The following IKBKE variants were observed in gnomAD, a reference collection of about 807,000 sequenced individuals.
IKBKE encodes the protein inhibitor of nuclear factor kappa B kinase subunit epsilon, also known as inhibitor of nuclear factor kappa-B kinase subunit epsilon.
A neutral mutation model predicts 92.1 loss-of-function variants in IKBKE; 45 were observed. That is an observed-to-expected ratio of 0.49 (90% confidence interval 0.38 to 0.63). IKBKE has a LOEUF of 0.63. IKBKE is among the 20% of genes least tolerant of loss of function. IKBKE has a pLI of 0.00. For synonymous variants in IKBKE, 374 were observed against 380.3 expected (o/e 0.98, Z 0.19); for missense variants, 700 against 932.8 (o/e 0.75, Z 3.25).
In IKBKE at chr1:206,485,406, C is replaced by T. The variant is rs187997650; in HGVS notation, c.1616+100C>T. 1,920 of 727,292 alleles carry T rather than the reference C, an allele frequency of 2.6e-3. 8 individuals are homozygous for T. The highest frequency in any genetic ancestry group is 4.4e-3 in the South Asian group (278 of 63,402). 45.1% of individuals were successfully genotyped at this position (727,292 alleles called of 1,614,324 possible). A position where few individuals can be genotyped will look rare whatever the true frequency, so the allele number is the denominator to read the frequency against. ...CTTTTAGACGTCAGCTTGCATTCCC[C>T]TTTCTCTTGGCAAGGGTGCTAGGGC... On this transcript the variant is annotated intron_variant, in intron 15 of 21. Transcript: ENST00000581977. The surrounding 1 kb of genome is among the most constrained non-coding windows in gnomAD (Gnocchi z 5.0).
chr1:206,487,865 C>A lies in IKBKE; in HGVS notation c.1617-49C>A, dbSNP rs2103476921. Reference sequence around the variant, plus strand: ...CCCTTCCCCTCCCTCCCTCTTTCCTCTGTGCTATTAGATTCTTCCAACACC... The same window carrying A: ...CCCTTCCCCTCCCTCCCTCTTTCCTATGTGCTATTAGATTCTTCCAACACC... On this transcript the variant is annotated intron_variant, in intron 15 of 21. Transcript: ENST00000581977. The surrounding 1 kb of genome is among the most constrained non-coding windows in gnomAD (Gnocchi z 5.3). 3.4e-6 allele frequency: 5 copies of A among 1,478,668 alleles called. No individual in the cohort carries two copies. Among genetic ancestry groups the A allele is most frequent in the South Asian group, 1.2e-5 (1 of 86,378 alleles). 91.6% of individuals were successfully genotyped at this position (1,478,668 alleles called of 1,614,324 possible).
In IKBKE at chr1:206,478,131, C is replaced by A; in HGVS notation, c.813-29C>A. ...GGAGGATAGGTCTGGGCCCCCACCC[C>A]TGACAGTCTCCATGTCCTGGGAGGG... On this transcript the variant is annotated intron_variant, in intron 8 of 21. Coordinates refer to ENST00000581977, the MANE Select transcript of IKBKE (RefSeq NM_014002.4). The surrounding 1 kb of genome is among the most constrained non-coding windows in gnomAD (Gnocchi z 4.8). 1.2e-6 allele frequency: 2 copies of A among 1,607,488 alleles called. No individual in the cohort carries two copies. The highest frequency in any genetic ancestry group is 1.7e-6 in the Non-Finnish European group (2 of 1,176,954).
In IKBKE at chr1:206,480,025, G is replaced by A. The variant is rs145736762; in HGVS notation, c.1252G>A (p.Val418Met). Reference sequence around the variant, plus strand: ...CCTGTGCATCTCTGTGTTTCAGGGCGTGTTGGGCGCCGGCTACCAGGCCCT... The same window carrying A: ...CCTGTGCATCTCTGTGTTTCAGGGCATGTTGGGCGCCGGCTACCAGGCCCT... ...LQADYNTAKG[V>M]LGAGYQALRL... The change falls in exon 12 of 22, where the codon GTG becomes ATG. Residue 418 changes from valine (V) to methionine (M), a missense_variant. Val to Met is a conservative substitution (Grantham distance 21). Coordinates refer to ENST00000581977, the MANE Select transcript of IKBKE (RefSeq NM_014002.4). 422 of 1,609,508 alleles carry A rather than the reference G, an allele frequency of 2.6e-4. No individual in the cohort carries two copies. Among genetic ancestry groups the A allele is most frequent in the East Asian group, 3.6e-4 (16 of 44,750 alleles).
intron 15 of IKBKE, among the ~76,000 whole-genome samples, chr1:206,486,545 G>A (rs1665672213): frequency 6.6e-6 from 1 of 151,702 alleles, no homozygotes; most frequent in Non-Finnish European, 1.5e-5. Flanking sequence ...TTGGATGAAG[G>A]CTGCAGATCT....
Position 206,485,211 on chromosome 1 carries a change from C to T in IKBKE, c.1521C>T (p.Ser507=), listed in dbSNP as rs1553388293. The change falls in exon 15 of 22, where the codon TCC becomes TCT. Residue 507 remains serine, a synonymous_variant. Coordinates refer to ENST00000581977, the MANE Select transcript of IKBKE (RefSeq NM_014002.4). The surrounding 1 kb of genome is among the most constrained non-coding windows in gnomAD (Gnocchi z 5.0). The part of the protein sequence containing the change: ...SRLRTLAEVL[S]RCSQNITETQ... ...CCCCACAGCTAGCGGAGGTCCTCTC[C>T]AGATGCTCCCAAAATATCACGGAGA... 1 of 1,613,616 alleles carries T rather than the reference C, an allele frequency of 6.2e-7. No homozygotes were observed. The highest frequency in any genetic ancestry group is 8.5e-7 in the Non-Finnish European group (1 of 1,179,536).
intron 21 of IKBKE, 50 bp from the exon 22 acceptor site, chr1:206,496,062 G>A (rs961816550): frequency 2.4e-5 from 36 of 1,495,258 alleles, no homozygotes; most frequent in Non-Finnish European, 3.4e-5. Context: ...AGTGTGGTCT[G>A]CAGGCCTCTC....
At chr1:206,477,509 C>CAG (rs5780344) in intron 7 of IKBKE, among the ~76,000 whole-genome samples, 2 of 152,022 alleles carry the variant, frequency 1.3e-5, no homozygotes, top group Non-Finnish European at 1.5e-5. Context: ...GGAAGTGTAG[C>CAG]GGGGGGAGAG....
Position 206,493,015 on chromosome 1 carries a change from C to A in IKBKE, c.1836-8C>A. 2 of 1,560,754 alleles carry A rather than the reference C, an allele frequency of 1.3e-6. No individual in the cohort carries two copies. Among genetic ancestry groups the A allele is most frequent in the South Asian group, 2.4e-5 (2 of 85,004 alleles). ...CTCTAATTCTAAGTCTCTGTGTGTT[C>A]TCTTGAGGGTGGTGCACGAGACCAG... is the stretch of plus-strand genomic sequence containing the variant. On this transcript the variant is annotated splice_polypyrimidine_tract_variant and splice_region_variant and intron_variant, in intron 18 of 21. Coordinates refer to ENST00000581977, the MANE Select transcript of IKBKE (RefSeq NM_014002.4).
intron 13 of IKBKE, among the ~76,000 whole-genome samples, chr1:206,484,093 A>G (rs200462084): frequency 1.7e-4 from 17 of 97,728 alleles, no homozygotes; most frequent in African/African-American, 5.0e-4. Flanking sequence ...CCTGGCTTTT[A>G]TTTTGTATTG....
chr1:206,491,461 T>A (rs1553390323), intron 17 of IKBKE, 187 bp from the exon 18 acceptor site: 1 of 511,970 alleles, frequency 2.0e-6, no homozygotes, highest in Non-Finnish European at 3.6e-6. Context: ...TGCTGGCCAC[T>A]GCAACCTTCA....
At chr1:206,489,817 T>C (rs1317677703) in intron 16 of IKBKE, among the ~76,000 whole-genome samples, 2 of 152,340 alleles carry the variant, frequency 1.3e-5, no homozygotes, top group East Asian at 3.9e-4. Context: ...TAGGTCCAGC[T>C]GCTTTTAACT....
intron 15 of IKBKE, among the ~76,000 whole-genome samples, chr1:206,486,085 A>G (rs781848195): frequency 6.6e-6 from 1 of 152,256 alleles, no homozygotes; most frequent in Non-Finnish European, 1.5e-5. Flanking sequence ...TGTTTTGGCC[A>G]TAAAACCTGA....
intron 18 of IKBKE, chr1:206,491,988 T>C (rs781927068): frequency 2.5e-6 from 1 of 402,116 alleles, no homozygotes; most frequent in Non-Finnish European, 4.7e-6. Flanking sequence ...CCCTATTTCC[T>C]AGGTGAGGAA....
At position 206,478,809 on chromosome 1, in the gene IKBKE, C is replaced by T; in HGVS notation, c.993-134C>T. 1 of 728,994 alleles carries T rather than the reference C, an allele frequency of 1.4e-6. No homozygotes were observed. The highest frequency in any genetic ancestry group is 2.5e-5 in the East Asian group (1 of 40,662). 45.2% of individuals were successfully genotyped at this position (728,994 alleles called of 1,614,324 possible). Reference sequence around the variant, plus strand: ...TCTCCACCCTTGATGACAGAGAAAACCACCCCCGTCCCTCCCTCTGCAAAA... The same window carrying T: ...TCTCCACCCTTGATGACAGAGAAAATCACCCCCGTCCCTCCCTCTGCAAAA... On this transcript the variant is annotated intron_variant, in intron 9 of 21. Coordinates refer to ENST00000581977, the MANE Select transcript of IKBKE (RefSeq NM_014002.4). This position sits in a 1 kb window ranked among gnomAD's most constrained non-coding sequence, Gnocchi z 4.8.
chr1:206,491,192 C>A, intron 17 of IKBKE: 3 of 431,904 alleles, frequency 6.9e-6, no homozygotes, highest in South Asian at 2.6e-5. Flanking sequence ...TGCCTCCCCC[C>A]GCTCCTCTGT....
In IKBKE at chr1:206,478,935, G is replaced by A; in HGVS notation, c.993-8G>A. On this transcript the variant is annotated splice_polypyrimidine_tract_variant and splice_region_variant and intron_variant, in intron 9 of 21. Coordinates refer to ENST00000581977, the MANE Select transcript of IKBKE (RefSeq NM_014002.4). This position sits in a 1 kb window ranked among gnomAD's most constrained non-coding sequence, Gnocchi z 4.8. ...CTGCCCTCTGCTCCCCACCACGGCT[G>A]TGTCTAGGATAGCCATTTTCCAGGA... The A allele has an allele frequency of 1.2e-6, 2 of 1,613,846 alleles. No individual in the cohort carries two copies. Among genetic ancestry groups the A allele is most frequent in the Non-Finnish European group, 1.7e-6 (2 of 1,179,872 alleles).
rs1665057636 is a variant in IKBKE, at chr1:206,476,264, G to C, written c.442G>C (p.Glu148Gln). ...GAACATCATGCGCCTCGTAGGGGAG[G>C]AGGGGCAGAGCATCTACAAGCTGAC... ...PGNIMRLVGE[E>Q]GQSIYKLTDF... Residue 148 changes from glutamate (E) to glutamine (Q), a missense_variant, in exon 6 of 22, where the codon GAG becomes CAG. Coordinates refer to ENST00000581977, the MANE Select transcript of IKBKE (RefSeq NM_014002.4). The surrounding 1 kb of genome is among the most constrained non-coding windows in gnomAD (Gnocchi z 5.1). The C allele has an allele frequency of 6.2e-7, 1 of 1,614,008 alleles. No individual in the cohort carries two copies. The highest frequency in any genetic ancestry group is 8.5e-7 in the Non-Finnish European group (1 of 1,180,000).
At chr1:206,472,712 G>A (rs991372055) in intron 2 of IKBKE, 26 of 198,176 alleles carry the variant, frequency 1.3e-4, no homozygotes, top group African/African-American at 5.3e-4. Context: ...CGGGGGCTGG[G>A]GGAGTGGCTC....
intron 21 of IKBKE, among the ~76,000 whole-genome samples, chr1:206,495,446 C>A (rs1453810757): frequency 1.3e-5 from 2 of 152,172 alleles, no homozygotes; most frequent in African/African-American, 4.8e-5. Flanking sequence ...AGAGGCCACT[C>A]CAGTCTCACA....
Sources: allele counts gnomAD v4.1 joint callset (sites outside exome capture counted in the v4.1 genomes callset), GRCh38; gene constraint gnomAD v4.1.1; non-coding constraint Gnocchi (gnomAD v3.1); transcripts MANE v1.5; gene names NCBI Gene and HGNC (gene_info 2026-07-23, HGNC 2026-07-21).